Variants in PPP2R5E observed in about 807,000 individuals in gnomAD.
PPP2R5E encodes the protein protein phosphatase 2 regulatory subunit B'epsilon.
In PPP2R5E, 4 loss-of-function variants were observed where a neutral mutation model predicts 65.3. The ratio of observed to expected loss-of-function variants is 0.06; its 90% CI spans 0.03 to 0.14. The LOEUF (loss-of-function observed/expected upper bound fraction) is 0.14, where lower values mean the gene tolerates loss of function less well. Ranked by LOEUF, PPP2R5E falls within the 10% of genes least tolerant of loss-of-function variation. The probability of loss-of-function intolerance (pLI) is 1.00; values close to 1 mark genes in which losing one functional copy is unlikely to be tolerated. For missense variants in PPP2R5E, 274 were observed against 556.1 expected (o/e 0.49, Z 5.10); for synonymous variants, 183 against 187.4 (o/e 0.98, Z 0.19).
intron 2 of PPP2R5E, among the ~76,000 whole-genome samples, chr14:63,493,551 T>C (rs1891393910): frequency 6.6e-6 from 1 of 151,754 alleles, no homozygotes; most frequent in Non-Finnish European, 1.5e-5. Context: ...GTGAGAATCA[T>C]TGGTAGAGAG....
At chr14:63,468,888 A>C (rs969976481) in intron 2 of PPP2R5E, among the ~76,000 whole-genome samples, 1 of 152,186 alleles carries the variant, frequency 6.6e-6, no homozygotes, top group Admixed American at 6.5e-5. Context: ...AAACCACTTC[A>C]AAGTATCTCT....
chr14:63,522,274 G>A (rs1892948641), intron 2 of PPP2R5E, among the ~76,000 whole-genome samples: 1 of 152,200 alleles, frequency 6.6e-6, no homozygotes, highest in East Asian at 1.9e-4. Context: ...GGAGTGCAGT[G>A]GCGTGATCTC....
At chr14:63,475,883 A>G (rs1890389426) in intron 2 of PPP2R5E, among the ~76,000 whole-genome samples, 1 of 152,228 alleles carries the variant, frequency 6.6e-6, no homozygotes, top group African/African-American at 2.4e-5. Flanking sequence ...CAGGAAAGCC[A>G]AGCTAAAATG....
intron 12 of PPP2R5E, among the ~76,000 whole-genome samples, chr14:63,382,432 G>A (rs890773053): frequency 3.5e-5 from 5 of 144,890 alleles, no homozygotes; most frequent in African/African-American, 1.3e-4. Flanking sequence ...ACGGAGTTTC[G>A]CTCTTGTTGC....
chr14:63,401,016 A>G (rs1471244953), intron 5 of PPP2R5E, among the ~76,000 whole-genome samples: 1 of 152,200 alleles, frequency 6.6e-6, no homozygotes, highest in Non-Finnish European at 1.5e-5. Context: ...TAAGCAAGAA[A>G]TGTTTGATGT....
chr14:63,480,055 T>A (rs1426830521), intron 2 of PPP2R5E, among the ~76,000 whole-genome samples: 1 of 152,178 alleles, frequency 6.6e-6, no homozygotes, highest in Non-Finnish European at 1.5e-5. Flanking sequence ...TAATAAACCT[T>A]CACATACTCA....
intron 2 of PPP2R5E, among the ~76,000 whole-genome samples, chr14:63,466,797 A>ATGTG (rs1889831651): frequency 3.3e-5 from 5 of 149,416 alleles, no homozygotes; most frequent in African/African-American, 1.3e-4. Flanking sequence ...ACATATGTGT[A>ATGTG]TGTATGTATG....
chr14:63,433,319 T>G (rs989555328), intron 3 of PPP2R5E, among the ~76,000 whole-genome samples: 2 of 151,958 alleles, frequency 1.3e-5, no homozygotes, highest in Non-Finnish European at 2.9e-5. Context: ...ACTACAGGAG[T>G]GAGCCACTGT....
chr14:63,520,786 C>A (rs1258324193), intron 2 of PPP2R5E, among the ~76,000 whole-genome samples: 2 of 134,666 alleles, frequency 1.5e-5, no homozygotes, highest in South Asian at 5.2e-4. Flanking sequence ...GAGGCCGAGG[C>A]GGGTGGATCA....
chr14:63,494,552 A>G (rs1891445457), intron 2 of PPP2R5E, among the ~76,000 whole-genome samples: 1 of 151,762 alleles, frequency 6.6e-6, no homozygotes, highest in Non-Finnish European at 1.5e-5. Flanking sequence ...CATTTAAAAA[A>G]AAAAAAAAGA....
At chr14:63,434,233 T>A (rs61987169) in intron 3 of PPP2R5E, among the ~76,000 whole-genome samples, 16,355 of 152,146 alleles carry the variant, frequency 0.11, 940 homozygotes, top group African/African-American at 0.12. Context: ...GAGTCCAGTA[T>A]AACAGCAAAA....
intron 10 of PPP2R5E, 76 bp from the exon 11 acceptor site, chr14:63,389,807 G>C: frequency 7.3e-7 from 1 of 1,365,790 alleles, no homozygotes; most frequent in Non-Finnish European, 9.6e-7. Flanking sequence ...GGATTAATGA[G>C]AGTTTGGATT....
intron 2 of PPP2R5E, among the ~76,000 whole-genome samples, chr14:63,479,757 A>T (rs1890599305): frequency 6.6e-6 from 1 of 152,222 alleles, no homozygotes; most frequent in Non-Finnish European, 1.5e-5. Context: ...TAGTGAAATG[A>T]AACTGATGGA....
chr14:63,537,945 G>C (rs1893738825), intron 2 of PPP2R5E, among the ~76,000 whole-genome samples: 1 of 152,146 alleles, frequency 6.6e-6, no homozygotes, highest in Admixed American at 6.6e-5. Context: ...AAAATTAAAA[G>C]GGACAAAAAG....
intron 5 of PPP2R5E, among the ~76,000 whole-genome samples, chr14:63,406,381 A>T (rs1290801884): frequency 2.6e-5 from 4 of 151,128 alleles, no homozygotes; most frequent in African/African-American, 9.8e-5. Flanking sequence ...ACTGCAATCC[A>T]GCCTGGGTGA....
chr14:63,373,467 C>T lies in PPP2R5E; in HGVS notation c.*2542G>A, dbSNP rs1355310273. The T allele has an allele frequency of 6.6e-5, 10 of 152,032 alleles. No individual in the cohort carries two copies. The highest frequency in any genetic ancestry group is 4.6e-4 in the Admixed American group (7 of 15,278). The allele number at this position is 152,032 out of a possible 1,614,324, so 9.4% of individuals were successfully genotyped here. On this transcript the variant is annotated 3_prime_UTR_variant, in exon 14 of 14. Transcript: ENST00000337537. The stretch of plus-strand genomic sequence containing the variant: ...ACCTCAGTTACTCTGCGTCACCGCA[C>T]ACAACATGACTAATGTCACATTGTC...
intron 5 of PPP2R5E, among the ~76,000 whole-genome samples, chr14:63,406,789 C>A (rs867502527): frequency 6.6e-6 from 1 of 152,212 alleles, no homozygotes; most frequent in Non-Finnish European, 1.5e-5. Flanking sequence ...TCCAGAGACA[C>A]AGGAAACCCA....
chr14:63,373,233 C>G lies in PPP2R5E; in HGVS notation c.*2776G>C, dbSNP rs183777068. The G allele has an allele frequency of 6.6e-6, 1 of 152,324 alleles. No individual in the cohort carries two copies. Among genetic ancestry groups the G allele is most frequent in the Non-Finnish European group, 1.5e-5 (1 of 68,028 alleles). 9.4% of individuals were successfully genotyped at this position (152,324 alleles called of 1,614,324 possible). ...GGATAAGGTTGGAGTGATCATCACT[C>G]ACTAACTACAATATTTGCTATTTAA... is the stretch of plus-strand genomic sequence containing the variant. On this transcript the variant is annotated 3_prime_UTR_variant, in exon 14 of 14. Coordinates refer to ENST00000337537, the MANE Select transcript of PPP2R5E (RefSeq NM_006246.5).
chr14:63,422,297 T>A (rs1344452551), intron 3 of PPP2R5E, among the ~76,000 whole-genome samples: 1 of 152,102 alleles, frequency 6.6e-6, no homozygotes, highest in Non-Finnish European at 1.5e-5. Context: ...ACCATCCTAC[T>A]CTCTTGAACA....
Sources: allele counts gnomAD v4.1 joint callset (sites outside exome capture counted in the v4.1 genomes callset), GRCh38; gene constraint gnomAD v4.1.1; transcripts MANE v1.5; gene names NCBI Gene and HGNC (gene_info 2026-07-23, HGNC 2026-07-21).